GALNT17: variants seen among roughly 807,000 people sequenced by gnomAD.
The protein encoded by GALNT17 is polypeptide N-acetylgalactosaminyltransferase 17, also known as UDP-GalNAc:polypeptide N-acetylgalactosaminyltransferase-like 3.
A neutral mutation model predicts 63.7 loss-of-function variants in GALNT17; 29 were observed. The ratio of observed to expected loss-of-function variants is 0.46; its 90% CI spans 0.34 to 0.62. The LOEUF is 0.62. GALNT17 is among the 20% of genes least tolerant of loss of function. The pLI is 0.01. For missense variants in GALNT17, 603 were observed against 799.6 expected (o/e 0.75, Z 2.97); for synonymous variants, 305 against 318.3 (o/e 0.96, Z 0.45).
chr7:71,579,969 GAGAT>G (rs1048833967), intron 6 of GALNT17, among the ~76,000 whole-genome samples: 66 of 152,134 alleles, frequency 4.3e-4, no homozygotes, highest in African/African-American at 1.4e-3. Flanking sequence ...AGGGATGATA[GAGAT>G]AGATGATAGA....
At chr7:71,384,131 T>G (rs962641280) in intron 2 of GALNT17, among the ~76,000 whole-genome samples, 7 of 152,232 alleles carry the variant, frequency 4.6e-5, no homozygotes, top group African/African-American at 1.7e-4. Context: ...TGTTTTGTTT[T>G]GTTTTTTTGT....
intron 5 of GALNT17, among the ~76,000 whole-genome samples, chr7:71,449,176 G>C (rs1026465095): frequency 8.1e-6 from 1 of 123,468 alleles, no homozygotes; most frequent in Non-Finnish European, 1.6e-5. Context: ...GCAGTGGCGC[G>C]ATCTTGGCTC....
chr7:71,577,251 C>CTA (rs1789553831), intron 6 of GALNT17, among the ~76,000 whole-genome samples: 1 of 152,170 alleles, frequency 6.6e-6, no homozygotes. Context: ...GAAAAACTAC[C>CTA]TATTGGGTAC....
At chr7:71,433,469 A>G (rs945718724) in intron 5 of GALNT17, among the ~76,000 whole-genome samples, 2 of 152,244 alleles carry the variant, frequency 1.3e-5, no homozygotes, top group Middle Eastern at 3.2e-3. Flanking sequence ...CTATGACTAT[A>G]CTAAAAACCA....
chr7:71,287,253 G>A (rs1790892087), intron 1 of GALNT17, among the ~76,000 whole-genome samples: 2 of 151,872 alleles, frequency 1.3e-5, no homozygotes, highest in African/African-American at 4.8e-5. Context: ...ACCATGCCTG[G>A]CTAATTTTTG....
At chr7:71,601,358 A>G (rs975566774) in intron 6 of GALNT17, among the ~76,000 whole-genome samples, 1 of 152,122 alleles carries the variant, frequency 6.6e-6, no homozygotes. Flanking sequence ...GAATCTCCAC[A>G]CTGTATTCCA....
chr7:71,433,011 A>G (rs1414944279), intron 5 of GALNT17, among the ~76,000 whole-genome samples: 2 of 152,116 alleles, frequency 1.3e-5, no homozygotes, highest in Admixed American at 6.6e-5. Context: ...GGGTTTCACC[A>G]TGTTGGCCAG....
intron 4 of GALNT17, among the ~76,000 whole-genome samples, chr7:71,419,987 A>G (rs766307332): frequency 2.6e-5 from 4 of 152,206 alleles, no homozygotes; most frequent in African/African-American, 9.6e-5. Flanking sequence ...GTGTGTTCTC[A>G]TTATTCTTCC....
At chr7:71,157,885 T>C (rs1788266914) in intron 1 of GALNT17, among the ~76,000 whole-genome samples, 1 of 151,674 alleles carries the variant, frequency 6.6e-6, no homozygotes, top group Admixed American at 6.6e-5. Flanking sequence ...GTATTTGCCT[T>C]TTTGTGCTTG....
intron 1 of GALNT17, among the ~76,000 whole-genome samples, chr7:71,291,065 G>GT (rs1790971544): frequency 1.3e-5 from 2 of 152,144 alleles, no homozygotes; most frequent in South Asian, 4.1e-4. Context: ...ATAGTGCTTG[G>GT]TACCCAGCTT....
intron 9 of GALNT17, among the ~76,000 whole-genome samples, chr7:71,687,561 C>G (rs1791380568): frequency 6.6e-6 from 1 of 152,100 alleles, no homozygotes; most frequent in South Asian, 2.1e-4. Context: ...GAAAACAGGC[C>G]TGAGGTTCTG....
chr7:71,573,640 AT>A (rs1437753165), intron 6 of GALNT17, among the ~76,000 whole-genome samples: 1 of 151,740 alleles, frequency 6.6e-6, no homozygotes, highest in Admixed American at 6.6e-5. Flanking sequence ...GGCCTATTTT[AT>A]TTTTTATTTT....
chr7:71,304,057 G>A (rs1353482142), intron 1 of GALNT17, among the ~76,000 whole-genome samples: 1 of 152,082 alleles, frequency 6.6e-6, no homozygotes, highest in Admixed American at 6.6e-5. Flanking sequence ...TGTAGACAGA[G>A]CTTTTCACTC....
At chr7:71,556,698 T>A in intron 5 of GALNT17, among the ~76,000 whole-genome samples, 1 of 152,080 alleles carries the variant, frequency 6.6e-6, no homozygotes, top group Non-Finnish European at 1.5e-5. Context: ...TATCTGGGAC[T>A]ACAAGCTCGA....
intron 9 of GALNT17, among the ~76,000 whole-genome samples, chr7:71,692,982 G>A (rs965375826): frequency 1.3e-5 from 2 of 151,096 alleles, no homozygotes; most frequent in East Asian, 2.0e-4. Context: ...CAAGTGATCC[G>A]CCCACCTCGG....
intron 1 of GALNT17, among the ~76,000 whole-genome samples, chr7:71,270,403 T>C (rs577034114): frequency 6.6e-6 from 1 of 152,074 alleles, no homozygotes; most frequent in East Asian, 1.9e-4. Flanking sequence ...TGGGCGCTTG[T>C]AATCCTAGCT....
intron 1 of GALNT17, among the ~76,000 whole-genome samples, chr7:71,210,614 G>A (rs1030108194): frequency 6.6e-6 from 1 of 152,200 alleles, no homozygotes; most frequent in Admixed American, 6.5e-5. Flanking sequence ...TATTGGTAAA[G>A]CCTAGAATGA....
intron 6 of GALNT17, among the ~76,000 whole-genome samples, chr7:71,642,284 A>G (rs1790615634): frequency 6.6e-6 from 1 of 152,064 alleles, no homozygotes; most frequent in Non-Finnish European, 1.5e-5. Context: ...CACTCAGCCC[A>G]TTGCAGGCTT....
chr7:71,155,092 C>T (rs571625613), intron 1 of GALNT17, among the ~76,000 whole-genome samples: 4 of 151,756 alleles, frequency 2.6e-5, no homozygotes, highest in East Asian at 1.9e-4. Flanking sequence ...CCTAAACCAC[C>T]GAGCGTTGAG....
Sources: allele counts gnomAD v4.1 joint callset (sites outside exome capture counted in the v4.1 genomes callset), GRCh38; gene constraint gnomAD v4.1.1; transcripts MANE v1.5; gene names NCBI Gene and HGNC (gene_info 2026-07-23, HGNC 2026-07-21).